The following ENC1 variants were observed in gnomAD, a reference collection of about 807,000 sequenced individuals.
ENC1 encodes ectoderm-neural cortex protein 1.
A neutral mutation model predicts 40.9 loss-of-function variants in ENC1; 19 were observed. That is an observed-to-expected ratio of 0.46 (90% CI 0.32 to 0.68). ENC1 has a LOEUF of 0.68. ENC1 is among the 30% of genes least tolerant of loss of function. The pLI is 0.03. For missense variants in ENC1, 479 were observed against 737.5 expected, an observed-to-expected ratio of 0.65 and a Z score of 4.06; for synonymous variants, 285 against 291.1, an observed-to-expected ratio of 0.98 and a Z score of 0.21.
In ENC1 at chr5:74,640,578, C is replaced by A. The variant is rs941692063; in HGVS notation, c.-285G>T. On this transcript the variant is annotated 5_prime_UTR_variant, in exon 1 of 3. Coordinates refer to ENST00000302351, the MANE Select transcript of ENC1 (RefSeq NM_003633.4). ...GTCACGGTAGGGCAGAGCAAGCCTG[C>A]CACTGCAGGCGCCGCGGAAGGAGGC... 5.9e-5 allele frequency: 9 copies of A among 152,328 alleles called. No individual in the cohort carries two copies. Among genetic ancestry groups the A allele is most frequent in the Non-Finnish European group, 1.5e-5 (1 of 68,130 alleles). 9.4% of individuals were successfully genotyped at this position (152,328 alleles called of 1,614,324 possible). A position where few individuals can be genotyped will look rare whatever the true frequency, so the allele number is the denominator to read the frequency against.
rs1273609061 is a variant in ENC1, at chr5:74,629,720, C to G, written c.*305G>C. On this transcript the variant is annotated 3_prime_UTR_variant, in exon 3 of 3. Transcript: ENST00000302351. ...AGGGAAAAGGTCCAGCTTTTCTCTC[C>G]CTTTGAGGGGCTGATTAACATTGAC... 1.3e-5 allele frequency: 2 copies of G among 152,170 alleles called. No individual in the cohort carries two copies. The highest frequency in any genetic ancestry group is 2.9e-5 in the Non-Finnish European group (2 of 68,036). The allele number at this position is 152,170 out of a possible 1,614,324, so 9.4% of individuals were successfully genotyped here. A position where few individuals can be genotyped will look rare whatever the true frequency, so the allele number is the denominator to read the frequency against.
rs1410313533 is a variant in ENC1, at chr5:74,627,510, A to C, written c.*2515T>G. The C allele has an allele frequency of 5.2e-5, 8 of 152,670 alleles. No individual in the cohort carries two copies. Among genetic ancestry groups the C allele is most frequent in the Admixed American group, 5.2e-4 (8 of 15,282 alleles). The allele number at this position is 152,670 out of a possible 1,614,324, so 9.5% of individuals were successfully genotyped here. A position where few individuals can be genotyped will look rare whatever the true frequency, so the allele number is the denominator to read the frequency against. The stretch of plus-strand genomic sequence containing the variant: ...ACCTCAAAATGTAGTCATAGCAAAC[A>C]AGTACATATGAACATGAACATTTTC... On this transcript the variant is annotated 3_prime_UTR_variant, in exon 3 of 3. Coordinates refer to ENST00000302351, the MANE Select transcript of ENC1 (RefSeq NM_003633.4).
chr5:74,630,265 C>A (rs1483682797), intron 2 of ENC1, among the ~76,000 whole-genome samples: 2 of 152,300 alleles, frequency 1.3e-5, no homozygotes, highest in East Asian at 1.9e-4. Flanking sequence ...TAAAGAAGGA[C>A]CTTCACTTCT....
chr5:74,631,682 T>C (rs1474749045), intron 2 of ENC1, among the ~76,000 whole-genome samples: 1 of 151,984 alleles, frequency 6.6e-6, no homozygotes, highest in Non-Finnish European at 1.5e-5. Context: ...GAAGAGGATG[T>C]TATTTCACAT....
chr5:74,634,935 C>A lies in ENC1; in HGVS notation c.1551G>T (p.Gln517His), dbSNP rs1435221098. Residue 517 changes from glutamine to histidine, a missense_variant, in exon 2 of 3, where the codon CAG becomes CAT. Coordinates refer to ENST00000302351, the MANE Select transcript of ENC1 (RefSeq NM_003633.4). The part of the protein sequence containing the change: ...SAYKFNSETY[Q>H]WTKVGDVTAK... ...CTGTCACATCTCCCACCTTGGTCCACTGGTAAGTCTCACTGTTGAATTTAT... is the reference window on the plus strand; with the variant it reads ...CTGTCACATCTCCCACCTTGGTCCAATGGTAAGTCTCACTGTTGAATTTAT... 1 of 1,614,164 alleles carries A rather than the reference C, an allele frequency of 6.2e-7. No homozygotes were observed. Among genetic ancestry groups the A allele is most frequent in the Non-Finnish European group, 8.5e-7 (1 of 1,180,000 alleles).
At chr5:74,634,344 G>A (rs1186490348) in intron 2 of ENC1, among the ~76,000 whole-genome samples, 5 of 152,050 alleles carry the variant, frequency 3.3e-5, no homozygotes, top group Non-Finnish European at 5.9e-5. Flanking sequence ...CCCAGGAGGC[G>A]GAGCTTGCAG....
At position 74,640,382 on chromosome 5, in the gene ENC1, C is replaced by T. The variant is rs1747813861; in HGVS notation, c.-89G>A. ...GGCAAGGAGGCGACGAACCGGTCGT[C>T]TCAGCCCAGGGAAGCGGTGGCGAAT... On this transcript the variant is annotated 5_prime_UTR_variant, in exon 1 of 3. Transcript: ENST00000302351. 6.6e-6 allele frequency: 1 copy of T among 152,374 alleles called. No individual in the cohort carries two copies. Among genetic ancestry groups the T allele is most frequent in the Non-Finnish European group, 1.5e-5 (1 of 68,144 alleles). The allele number at this position is 152,374 out of a possible 1,614,324, so 9.4% of individuals were successfully genotyped here.
rs1306167105 is a variant in ENC1, at chr5:74,636,383, G to C, written c.103C>G (p.His35Asp). The C allele has an allele frequency of 6.2e-7, 1 of 1,614,174 alleles. No individual in the cohort carries two copies. Among genetic ancestry groups the C allele is most frequent in the South Asian group, 1.1e-5 (1 of 91,080 alleles). Residue 35 changes from histidine (H) to aspartate (D), a missense_variant, in exon 2 of 3, where the codon CAC (histidine) becomes GAC (aspartate). Physicochemically the swap from His to Asp is moderately conservative, Grantham distance 81. Coordinates refer to ENST00000302351, the MANE Select transcript of ENC1 (RefSeq NM_003633.4). The surrounding 1 kb of genome is among the most constrained non-coding windows in gnomAD (Gnocchi z 4.8). The part of the protein sequence containing the change: ...KSSYADSVLT[H>D]LNLLRQQRLF... ...CGCTGCTGGCGTAAAAGATTCAGGT[G>C]AGTGAGGACGCTGTCAGCGTAGGAG...
At chr5:74,639,839 C>A (rs1486763465) in intron 1 of ENC1, among the ~76,000 whole-genome samples, 1 of 152,228 alleles carries the variant, frequency 6.6e-6, no homozygotes, top group Non-Finnish European at 1.5e-5. Context: ...ATAGACATTT[C>A]CGCCGCAGTG....
rs1747287317 is a variant in ENC1, at chr5:74,628,718, GC to G, written c.*1306del. 1 of 152,120 alleles carries G rather than the reference GC, an allele frequency of 6.6e-6. No homozygotes were observed. The highest frequency in any genetic ancestry group is 2.4e-5 in the African/African-American group (1 of 41,422). 9.4% of individuals were successfully genotyped at this position (152,120 alleles called of 1,614,324 possible). ...CTTCTAGAACTTGCTAAATCATATA[GC>G]AAGAAGAGAATGAGTTCAGGCCCAG... On this transcript the variant is annotated 3_prime_UTR_variant, in exon 3 of 3. Transcript: ENST00000302351.
rs1429638886 is a variant in ENC1, at chr5:74,635,115, G to T, written c.1371C>A (p.Asp457Glu). 6.2e-7 allele frequency: 1 copy of T among 1,614,234 alleles called. No individual in the cohort carries two copies. Among genetic ancestry groups the T allele is most frequent in the Admixed American group, 1.7e-5 (1 of 60,028 alleles). Reference sequence around the variant, plus strand: ...CGTAACACTGAACTTTGGGGAGCTTGTCATGACTGACACTGGTACCTCCGA... The same window carrying T: ...CGTAACACTGAACTTTGGGGAGCTTTTCATGACTGACACTGGTACCTCCGA... ...FAFGGTSVSH[D>E]KLPKVQCYDQ... Residue 457 changes from aspartate (D) to glutamate (E), a missense_variant, in exon 2 of 3, where the codon GAC becomes GAA. Coordinates refer to ENST00000302351, the MANE Select transcript of ENC1 (RefSeq NM_003633.4). This position sits in a 1 kb window ranked among gnomAD's most constrained non-coding sequence, Gnocchi z 5.5.
In ENC1 at chr5:74,636,253, C is replaced by T; in HGVS notation, c.233G>A (p.Gly78Asp). 6.2e-7 allele frequency: 1 copy of T among 1,614,198 alleles called. No homozygotes were observed. Among genetic ancestry groups the T allele is most frequent in the Non-Finnish European group, 8.5e-7 (1 of 1,180,044 alleles). Reference protein sequence around the residue: ...SRYFEAMFSGGLKESQDSEVN... With the variant: ...SRYFEAMFSGDLKESQDSEVN... ...CTCACTGTCCTGGCTCTCTTTCAGG[C>T]CACCACTGAACATGGCCTCAAAGTA... is the stretch of plus-strand genomic sequence containing the variant. Residue 78 changes from glycine to aspartate, a missense_variant, in exon 2 of 3, where the codon GGC becomes GAC. Physicochemically the swap from Gly to Asp is moderately conservative, Grantham distance 94. Transcript: ENST00000302351. This position sits in a 1 kb window ranked among gnomAD's most constrained non-coding sequence, Gnocchi z 4.8.
At position 74,627,720 on chromosome 5, in the gene ENC1, TAAG is replaced by T. The variant is rs1003729911; in HGVS notation, c.*2302_*2304del. ...TTTCTACAGCAACCAGCCCACAAAA[TAAG>T]AAGAACCTTCTCTGTCTTATGCCAA... On this transcript the variant is annotated 3_prime_UTR_variant, in exon 3 of 3. Transcript: ENST00000302351. 7.9e-5 allele frequency: 12 copies of T among 152,634 alleles called. No homozygotes were observed. The highest frequency in any genetic ancestry group is 1.5e-4 in the Non-Finnish European group (10 of 68,028). The allele number at this position is 152,634 out of a possible 1,614,324, so 9.5% of individuals were successfully genotyped here. A position where few individuals can be genotyped will look rare whatever the true frequency, so the allele number is the denominator to read the frequency against.
Position 74,635,360 on chromosome 5 carries a change from C to A in ENC1, c.1126G>T (p.Val376Leu), listed in dbSNP as rs1747543199. ...GCAGAGCCATGGCCAAACCTGGCCA[C>A]CAGCATGGGGGCAGCCTTGGACCAC... ...EEWSKAAPML[V>L]ARFGHGSAEL... is the part of the protein sequence containing the mutation. The change falls in exon 2 of 3, where the codon GTG becomes TTG. Residue 376 changes from valine (V) to leucine (L), a missense_variant. Val to Leu is a conservative substitution (Grantham distance 32). Transcript: ENST00000302351. This position sits in a 1 kb window ranked among gnomAD's most constrained non-coding sequence, Gnocchi z 5.5. 6.2e-7 allele frequency: 1 copy of A among 1,614,166 alleles called. No individual in the cohort carries two copies. The highest frequency in any genetic ancestry group is 8.5e-7 in the Non-Finnish European group (1 of 1,180,034).
rs1432835782 is a variant in ENC1 at position 74,628,070 on chromosome 5, A to G, written c.*1955T>C. On this transcript the variant is annotated 3_prime_UTR_variant, in exon 3 of 3. Coordinates refer to ENST00000302351, the MANE Select transcript of ENC1 (RefSeq NM_003633.4). ...AAACTACAGAGCTGTAACTGCTACA[A>G]TATAAACGACACTGACTATGCCCAC... The G allele has an allele frequency of 6.6e-6, 1 of 152,552 alleles. No homozygotes were observed. Among genetic ancestry groups the G allele is most frequent in the Non-Finnish European group, 1.5e-5 (1 of 68,044 alleles). 9.4% of individuals were successfully genotyped at this position (152,552 alleles called of 1,614,324 possible).
At chr5:74,632,551 T>TA (rs771766984) in intron 2 of ENC1, among the ~76,000 whole-genome samples, 31 of 151,674 alleles carry the variant, frequency 2.0e-4, no homozygotes, top group South Asian at 6.3e-4. Flanking sequence ...ACTGAAGAAG[T>TA]AAAAAAAATA....
chr5:74,631,164 T>TAA (rs5868747), intron 2 of ENC1, among the ~76,000 whole-genome samples: 1 of 136,122 alleles, frequency 7.3e-6, no homozygotes, highest in African/African-American at 2.6e-5. Flanking sequence ...GGAACGATAA[T>TAA]AAAAAAAAAA....
chr5:74,637,659 T>C (rs1358585605), intron 1 of ENC1: 1 of 152,206 alleles, frequency 6.6e-6, no homozygotes, highest in African/African-American at 2.4e-5. Context: ...GATTAAATAG[T>C]GCATCACTAG....
intron 2 of ENC1, among the ~76,000 whole-genome samples, chr5:74,630,829 T>C (rs1301799879): frequency 6.6e-6 from 1 of 152,252 alleles, no homozygotes; most frequent in Non-Finnish European, 1.5e-5. Flanking sequence ...TGTATCCCTA[T>C]TGCTGTAAGT....
Sources: gnomAD v4.1 joint callset for allele counts (sites outside exome capture counted in the v4.1 genomes callset) on GRCh38, gnomAD v4.1.1 for gene constraint, Gnocchi (gnomAD v3.1) non-coding constraint, MANE v1.5 for transcripts, NCBI Gene and HGNC (gene_info 2026-07-23, HGNC 2026-07-21) for gene names.